SRRM4: variants seen among roughly 807,000 people sequenced by gnomAD.
SRRM4 encodes serine/arginine repetitive matrix protein 4.
SRRM4 carries 33 observed loss-of-function variants against 68.9 expected under a neutral mutation model. The ratio of observed to expected loss-of-function variants is 0.48; its 90% CI spans 0.36 to 0.64. The LOEUF is 0.64. SRRM4 is among the 30% of genes least tolerant of loss of function. The pLI is 0.00. For missense variants in SRRM4, 817 were observed against 827.1 expected (o/e 0.99, Z 0.15); for synonymous variants, 318 against 318.8 (o/e 1.00, Z 0.03).
At chr12:119,007,426 CCT>C (rs1011300860) in intron 1 of SRRM4, among the ~76,000 whole-genome samples, 21 of 152,102 alleles carry the variant, frequency 1.4e-4, no homozygotes, top group Admixed American at 9.8e-4. Flanking sequence ...CATCTCTCCC[CCT>C]CTCTTTCCCT....
chr12:119,044,025 C>T (rs1175505763), intron 1 of SRRM4, among the ~76,000 whole-genome samples: 1 of 152,166 alleles, frequency 6.6e-6, no homozygotes, highest in Non-Finnish European at 1.5e-5. Flanking sequence ...CACCACCACA[C>T]CCAGCTAATT....
chr12:119,005,273 A>T (rs1361104213), intron 1 of SRRM4, among the ~76,000 whole-genome samples: 2 of 152,226 alleles, frequency 1.3e-5, no homozygotes, highest in Non-Finnish European at 2.9e-5. Flanking sequence ...AGACAGGAAA[A>T]CTGAGGGAAA....
At chr12:119,148,476 A>G (rs1482097762) in intron 9 of SRRM4, among the ~76,000 whole-genome samples, 2 of 152,360 alleles carry the variant, frequency 1.3e-5, no homozygotes, top group Middle Eastern at 6.8e-3. Flanking sequence ...TGAAATAGCA[A>G]TAACAACAAC....
chr12:119,142,136 A>T (rs896482535), intron 8 of SRRM4, among the ~76,000 whole-genome samples: 1 of 152,162 alleles, frequency 6.6e-6, no homozygotes, highest in Non-Finnish European at 1.5e-5. Flanking sequence ...TGTGGAAGAG[A>T]TGCTATTTGT....
intron 1 of SRRM4, among the ~76,000 whole-genome samples, chr12:119,004,893 T>C (rs1200012208): frequency 6.6e-6 from 1 of 151,800 alleles, no homozygotes; most frequent in African/African-American, 2.4e-5. Context: ...CCATTTTCCT[T>C]TGTTCCCTTG....
At position 119,156,629 on chromosome 12, in the gene SRRM4, G is replaced by C. The variant is rs753664286; in HGVS notation, c.1667G>C (p.Ser556Thr). Residue 556 changes from serine (S) to threonine (T), a missense_variant, in exon 13 of 13, where the codon AGC (serine) becomes ACC (threonine). Coordinates refer to ENST00000267260, the MANE Select transcript of SRRM4 (RefSeq NM_194286.4). Reference protein sequence around the residue: ...SRSYSRSRSRSRSRRRSRTRT... With the variant: ...SRSYSRSRSRTRSRRRSRTRT... Reference sequence around the variant, plus strand: ...AGCTACTCCCGGAGCCGGAGTCGGAGCCGGAGCCGGAGACGGAGCCGGACC... The same window carrying C: ...AGCTACTCCCGGAGCCGGAGTCGGACCCGGAGCCGGAGACGGAGCCGGACC... The C allele has an allele frequency of 1.1e-5, 17 of 1,599,466 alleles. No individual in the cohort carries two copies. The highest frequency in any genetic ancestry group is 1.4e-5 in the Non-Finnish European group (16 of 1,174,992).
chr12:119,033,889 A>C (rs576443246), intron 1 of SRRM4, among the ~76,000 whole-genome samples: 3 of 152,286 alleles, frequency 2.0e-5, no homozygotes, highest in Admixed American at 6.5e-5. Context: ...GCTACAGTTA[A>C]ATTTTTCAGT....
chr12:119,066,001 T>A (rs549344846), intron 1 of SRRM4, among the ~76,000 whole-genome samples: 1 of 152,338 alleles, frequency 6.6e-6, no homozygotes, highest in Non-Finnish European at 1.5e-5. Flanking sequence ...TCAATTCCTG[T>A]CTGCCTTTGA....
chr12:119,047,428 C>T (rs546478854), intron 1 of SRRM4, among the ~76,000 whole-genome samples: 1 of 152,084 alleles, frequency 6.6e-6, no homozygotes, highest in Non-Finnish European at 1.5e-5. Context: ...TTGGTGCACC[C>T]ATCACTGGAG....
rs76095918 is a variant in SRRM4 at position 119,143,833 on chromosome 12, C to T, written c.772-1548C>T. ...TCAGGTACCCAGAGAGTGGTTAAGG[C>T]GGGCAGCAGTCTTAAGGGGGTGCCT... On this transcript the variant is annotated intron_variant, in intron 8 of 12. Transcript: ENST00000267260. Among the ~76,000 whole-genome samples the T allele has an allele frequency of 1.8e-3, 275 of 152,146 alleles. 1 individual carries two copies. The highest frequency in any genetic ancestry group is 6.2e-3 in the African/African-American group (257 of 41,502).
intron 2 of SRRM4, among the ~76,000 whole-genome samples, chr12:119,111,040 T>C (rs1240753249): frequency 6.6e-6 from 1 of 152,228 alleles, no homozygotes; most frequent in Admixed American, 6.5e-5. Context: ...AGTTAACCTC[T>C]GCTACTTCCC....
chr12:118,984,808 G>C (rs1020449343), intron 1 of SRRM4, among the ~76,000 whole-genome samples: 7 of 152,108 alleles, frequency 4.6e-5, no homozygotes, highest in African/African-American at 1.7e-4. Context: ...CAGTAGAGCA[G>C]AGTGGGAAGC....
Position 119,151,219 on chromosome 12 carries a change from A to G in SRRM4, c.1279A>G (p.Arg427Gly), listed in dbSNP as rs1022449108. 1.9e-6 allele frequency: 3 copies of G among 1,613,722 alleles called. No homozygotes were observed. The highest frequency in any genetic ancestry group is 2.2e-5 in the South Asian group (2 of 91,080). Residue 427 changes from arginine to glycine, a missense_variant and splice_region_variant, in exon 10 of 13, where the codon AGG (arginine) becomes GGG (glycine). Coordinates refer to ENST00000267260, the MANE Select transcript of SRRM4 (RefSeq NM_194286.4). Reference protein sequence around the residue: ...TQSRSTSSEKRSYSRSPSYSS... With the variant: ...TQSRSTSSEKGSYSRSPSYSS... The stretch of plus-strand genomic sequence containing the variant: ...AAGCCGATCCACCTCTTCTGAAAAA[A>G]GGTGAGTGTGGTTTTGACCTTTGCT...
intron 1 of SRRM4, among the ~76,000 whole-genome samples, chr12:119,007,313 T>A (rs1027001915): frequency 6.6e-6 from 1 of 152,332 alleles, no homozygotes; most frequent in South Asian, 2.1e-4. Context: ...TAAATACTGA[T>A]GTACAAAAAA....
At chr12:119,116,897 A>G (rs1213334358) in intron 3 of SRRM4, 40 bp from the exon 4 acceptor site, 2 of 1,601,970 alleles carry the variant, frequency 1.2e-6, no homozygotes, top group African/African-American at 2.7e-5. Context: ...CTTGGCCTTT[A>G]AGAGCCTCCT....
chr12:119,086,366 A>C (rs1251155223), intron 1 of SRRM4, among the ~76,000 whole-genome samples: 1 of 152,038 alleles, frequency 6.6e-6, no homozygotes, highest in Non-Finnish European at 1.5e-5. Flanking sequence ...CCTGTTCCCA[A>C]CCCTTGTCTC....
intron 1 of SRRM4, among the ~76,000 whole-genome samples, chr12:119,093,630 T>C (rs1197116971): frequency 6.6e-6 from 1 of 152,114 alleles, no homozygotes; most frequent in Non-Finnish European, 1.5e-5. Flanking sequence ...GAAGGAGAGA[T>C]GATATTCTTG....
intron 1 of SRRM4, among the ~76,000 whole-genome samples, chr12:118,996,846 C>T (rs1953352435): frequency 6.6e-6 from 1 of 152,176 alleles, no homozygotes; most frequent in Admixed American, 6.5e-5. Flanking sequence ...AAAAATGTCA[C>T]TTGTGAGGTC....
intron 1 of SRRM4, chr12:118,994,088 A>T (rs1233546629): frequency 6.6e-6 from 1 of 152,170 alleles, no homozygotes; most frequent in Non-Finnish European, 1.5e-5. Context: ...TCCCATGCTG[A>T]TCAGTAGTGG....
Sources: gnomAD v4.1 joint callset for allele counts (sites outside exome capture counted in the v4.1 genomes callset) on GRCh38, gnomAD v4.1.1 for gene constraint, MANE v1.5 for transcripts, NCBI Gene and HGNC (gene_info 2026-07-23, HGNC 2026-07-21) for gene names.